The following CXCL13 variants were observed in gnomAD, a reference collection of about 807,000 sequenced individuals.
The protein encoded by CXCL13 is C-X-C motif chemokine 13.
CXCL13 carries 7 observed loss-of-function variants against 12.2 expected under a neutral mutation model. The ratio of observed to expected loss-of-function variants is 0.57; its 90% CI spans 0.33 to 1.07. CXCL13 has a LOEUF of 1.07. Among genes scored for constraint, CXCL13 ranks in the 50% least tolerant of loss-of-function variants. The pLI is 0.04. For missense variants in CXCL13, 113 were observed against 127.4 expected, an observed-to-expected ratio of 0.89 and a Z score of 0.55; for synonymous variants, 47 against 42.4, an observed-to-expected ratio of 1.11 and a Z score of -0.42.
chr4:77,515,733 T>C lies in CXCL13; in HGVS notation c.-43+3945T>C, dbSNP rs996777198. Among the ~76,000 whole-genome samples the C allele has an allele frequency of 3.9e-5, 6 of 152,208 alleles. No individual in the cohort carries two copies. In the East Asian group the frequency reaches 1.2e-3, roughly 29 times the overall value. The stretch of plus-strand genomic sequence containing the variant: ...CTGAGACATTGGGATTTTCTAGATA[T>C]ACCATCATGTCATCTGCCAACAGGG... On this transcript the variant is annotated intron_variant, in intron 1 of 4. Coordinates refer to the CXCL13 transcript ENST00000286758.
chr4:77,558,900 T>C (rs1192104631), intron 1 of CXCL13, among the ~76,000 whole-genome samples: 1 of 152,244 alleles, frequency 6.6e-6, no homozygotes, highest in Non-Finnish European at 1.5e-5. Context: ...CTTCTTATGC[T>C]ACTAAGGAGA....
chr4:77,572,204 C>A (rs1578059767), intron 1 of CXCL13, among the ~76,000 whole-genome samples: 1 of 151,830 alleles, frequency 6.6e-6, no homozygotes, highest in Non-Finnish European at 1.5e-5. Context: ...AGTTCAAGAC[C>A]AGTCTGGCCA....
At position 77,593,460 on chromosome 4, in the gene CXCL13, G is replaced by C. The variant is rs185659719; in HGVS notation, c.-42-12364G>C. 2.0e-5 allele frequency among the ~76,000 whole-genome samples: 3 copies of C among 152,290 alleles called. No homozygotes were observed. In the East Asian group the frequency reaches 5.8e-4, roughly 29 times the overall value. ...TGAGTGGACATCCCCGTGAGACTTGGCCTTCCAAAGCAAAGCTGGTCAACT... is the reference window on the plus strand; with the variant it reads ...TGAGTGGACATCCCCGTGAGACTTGCCCTTCCAAAGCAAAGCTGGTCAACT... On this transcript the variant is annotated intron_variant, in intron 1 of 4. Transcript: ENST00000286758.
chr4:77,566,199 G>A (rs775957593), intron 1 of CXCL13, among the ~76,000 whole-genome samples: 40 of 152,268 alleles, frequency 2.6e-4, no homozygotes, highest in Admixed American at 8.5e-4. Context: ...CTTCCGTCCC[G>A]CTTCAGCAAA....
chr4:77,535,883 A>G (rs1001097256), intron 1 of CXCL13, among the ~76,000 whole-genome samples: 14 of 152,240 alleles, frequency 9.2e-5, no homozygotes, highest in Non-Finnish European at 1.9e-4. Context: ...GAGACAAGCC[A>G]TCCTCACTAT....
intron 1 of CXCL13, among the ~76,000 whole-genome samples, chr4:77,538,555 A>C (rs1560519117): frequency 2.0e-5 from 3 of 151,978 alleles, no homozygotes; most frequent in Admixed American, 2.0e-4. Context: ...TAGGCTGGCT[A>C]ATTTGAAGAG....
At chr4:77,546,187 A>G (rs1047701282) in intron 1 of CXCL13, among the ~76,000 whole-genome samples, 3 of 151,922 alleles carry the variant, frequency 2.0e-5, no homozygotes, top group African/African-American at 7.3e-5. Context: ...AATGTTCATC[A>G]CTGATATTGG....
chr4:77,513,977 C>T (rs539311264), intron 1 of CXCL13, among the ~76,000 whole-genome samples: 85 of 152,172 alleles, frequency 5.6e-4, no homozygotes, highest in African/African-American at 2.0e-3. Flanking sequence ...CACAACAGTC[C>T]CCAGAGTGTG....
chr4:77,559,982 T>G (rs1391173811), intron 1 of CXCL13, among the ~76,000 whole-genome samples: 3 of 151,348 alleles, frequency 2.0e-5, no homozygotes, highest in Non-Finnish European at 4.4e-5. Flanking sequence ...GGAGCTCCAG[T>G]GACCCCTTCA....
intron 1 of CXCL13, among the ~76,000 whole-genome samples, chr4:77,567,363 G>A (rs375216482): frequency 5.7e-4 from 87 of 152,270 alleles, no homozygotes; most frequent in African/African-American, 1.7e-3. Context: ...ACATGGACGC[G>A]CACAACATTG....
At chr4:77,606,010 C>G in intron 1 of CXCL13, 81 bp downstream of exon 1, 1 of 962,152 alleles carries the variant, frequency 1.0e-6, no homozygotes, top group Admixed American at 2.1e-5. Context: ...GATTAAAAAC[C>G]GCAGGGAAGT....
chr4:77,599,982 G>A (rs549708772), intron 1 of CXCL13, among the ~76,000 whole-genome samples: 10 of 152,284 alleles, frequency 6.6e-5, no homozygotes, highest in African/African-American at 2.2e-4. Context: ...GATTAAAGGC[G>A]ATGAAGGAGT....
rs532184895 is a variant in CXCL13 at position 77,543,533 on chromosome 4, C to T, written c.-43+31745C>T. Among the ~76,000 whole-genome samples the T allele has an allele frequency of 7.9e-5, 12 of 152,142 alleles. No homozygotes were observed. In the South Asian group the frequency reaches 2.3e-3, roughly 29 times the overall value. On this transcript the variant is annotated intron_variant, in intron 1 of 4. Coordinates refer to the CXCL13 transcript ENST00000286758. ...TCTTAACATTGCTTTTGCTGTATCCCAGAGATTTTCATTGTGTCTCTGTCC... is the reference window on the plus strand; with the variant it reads ...TCTTAACATTGCTTTTGCTGTATCCTAGAGATTTTCATTGTGTCTCTGTCC...
At chr4:77,538,547 G>T (rs1023537447) in intron 1 of CXCL13, among the ~76,000 whole-genome samples, 1 of 151,796 alleles carries the variant, frequency 6.6e-6, no homozygotes, top group Non-Finnish European at 1.5e-5. Flanking sequence ...AAATTGATTA[G>T]GCTGGCTAAT....
intron 1 of CXCL13, among the ~76,000 whole-genome samples, chr4:77,543,919 C>A (rs956928431): frequency 6.6e-6 from 1 of 152,086 alleles, no homozygotes; most frequent in Admixed American, 6.6e-5. Flanking sequence ...CATGACAGGT[C>A]CCGGTGTGTG....
intron 1 of CXCL13, among the ~76,000 whole-genome samples, chr4:77,534,832 T>C (rs1725021467): frequency 6.6e-6 from 1 of 152,196 alleles, no homozygotes; most frequent in South Asian, 2.1e-4. Flanking sequence ...GCTTCTACAA[T>C]TCCATGACCT....
At chr4:77,524,539 G>T (rs531386863) in intron 1 of CXCL13, among the ~76,000 whole-genome samples, 1 of 152,330 alleles carries the variant, frequency 6.6e-6, no homozygotes, top group South Asian at 2.1e-4. Context: ...GCATGGGAGA[G>T]AATCTTCTTG....
chr4:77,561,240 G>T (rs773258320), intron 1 of CXCL13, among the ~76,000 whole-genome samples: 12 of 152,116 alleles, frequency 7.9e-5, no homozygotes, highest in Non-Finnish European at 1.3e-4. Context: ...TTACCTGGAG[G>T]CCTGTTAGAA....
intron 1 of CXCL13, among the ~76,000 whole-genome samples, chr4:77,548,148 A>G (rs1725419348): frequency 6.6e-6 from 1 of 152,224 alleles, no homozygotes; most frequent in African/African-American, 2.4e-5. Flanking sequence ...ACATTATTGC[A>G]CTTGGATGAA....
Sources: gnomAD v4.1 joint callset for allele counts (sites outside exome capture counted in the v4.1 genomes callset) on GRCh38, gnomAD v4.1.1 for gene constraint, MANE v1.5 for transcripts, NCBI Gene and HGNC (gene_info 2026-07-23, HGNC 2026-07-21) for gene names.